Variants in KNTC1 observed in about 807,000 individuals in gnomAD.
KNTC1 encodes kinetochore associated 1, also known as kinetochore-associated protein 1.
Under a neutral mutation model 314.4 loss-of-function variants are expected in KNTC1, and 253 were observed. The observed-to-expected ratio is 0.80, with a 90% CI of 0.73 to 0.89. The LOEUF (loss-of-function observed/expected upper bound fraction) is 0.89, where lower values mean the gene tolerates loss of function less well. Among genes scored for constraint, KNTC1 ranks in the 40% least tolerant of loss-of-function variants. The probability of loss-of-function intolerance (pLI) is 0.00; values close to 1 mark genes in which losing one functional copy is unlikely to be tolerated. For synonymous variants in KNTC1, 901 were observed against 901.4 expected, an observed-to-expected ratio of 1.00 and a Z score of 0.01; for missense variants, 2,475 against 2,572.9, an observed-to-expected ratio of 0.96 and a Z score of 0.82.
In KNTC1 at chr12:122,561,921, C is replaced by T. The variant is rs1964001837; in HGVS notation, c.1489C>T (p.Leu497Phe). 3 of 1,570,250 alleles carry T rather than the reference C, an allele frequency of 1.9e-6. No homozygotes were observed. Among genetic ancestry groups the T allele is most frequent in the Non-Finnish European group, 2.6e-6 (3 of 1,144,544 alleles). ...TGTATTTCTTATTATTCTTACTTAG[C>T]TTTTGAAGAAAGAAGATAAAACTGC... is the stretch of plus-strand genomic sequence containing the variant. ...QEMLNYAKTR[L>F]LKKEDKTALI... The change falls in exon 19 of 64, where the codon CTT becomes TTT. Residue 497 changes from leucine to phenylalanine, a missense_variant and splice_region_variant. Physicochemically the swap from Leu to Phe is conservative, Grantham distance 22. Coordinates refer to ENST00000333479, the MANE Select transcript of KNTC1 (RefSeq NM_014708.6).
In KNTC1 at chr12:122,557,419, G is replaced by A. The variant is rs368644087; in HGVS notation, c.1308G>A (p.Glu436=). ...VYKVKSNHIL[E]KLALSSVDAS... Reference sequence around the variant, plus strand: ...AGGTCAAGTCAAATCATATATTGGAGAAACTGGCATTGAGTTCTGTGGATG... The same window carrying A: ...AGGTCAAGTCAAATCATATATTGGAAAAACTGGCATTGAGTTCTGTGGATG... Residue 436 remains glutamate (E), a synonymous_variant, in exon 17 of 64, where the codon GAG becomes GAA. Transcript: ENST00000333479. The A allele has an allele frequency of 3.1e-6, 5 of 1,613,504 alleles. No individual in the cohort carries two copies. In the African/African-American group the frequency reaches 6.7e-5, roughly 22 times the overall value.
chr12:122,536,912 C>T (rs895102393), intron 3 of KNTC1, among the ~76,000 whole-genome samples: 2 of 152,208 alleles, frequency 1.3e-5, no homozygotes, highest in Non-Finnish European at 2.9e-5. Flanking sequence ...CATTTTGGAA[C>T]ATATCTTGAT....
chr12:122,567,593 C>A (rs938622615), intron 20 of KNTC1, among the ~76,000 whole-genome samples: 1 of 151,950 alleles, frequency 6.6e-6, no homozygotes, highest in African/African-American at 2.4e-5. Flanking sequence ...AATCGCAACA[C>A]TTTGGGAGGC....
chr12:122,529,965 C>A, intron 1 of KNTC1, 26 bp from the exon 2 acceptor site: 1 of 1,302,952 alleles, frequency 7.7e-7, no homozygotes. Flanking sequence ...TATCATTTCC[C>A]AAGGAACCAG....
intron 16 of KNTC1, 36 bp from the exon 17 acceptor site, chr12:122,557,348 C>T: frequency 1.3e-6 from 2 of 1,591,200 alleles, no homozygotes; most frequent in Non-Finnish European, 1.7e-6. Context: ...TATTATTGTA[C>T]TTCAAATTGC....
At chr12:122,562,439 TTGTGTGTGTGTGTGTGTGTG>T (rs4039211) in intron 19 of KNTC1, among the ~76,000 whole-genome samples, 179 bp from the exon 20 acceptor site, 6 of 145,084 alleles carry the variant, frequency 4.1e-5, no homozygotes, top group Admixed American at 3.5e-4. Context: ...ATCCCATGTT[TTGTGTGTGTGTGTGTGTGTG>T]TGTGTGTGTG....
intron 16 of KNTC1, among the ~76,000 whole-genome samples, chr12:122,554,076 AATATATAT>A (rs60404988): frequency 2.8e-5 from 3 of 109,050 alleles, no homozygotes; most frequent in African/African-American, 7.8e-5. Flanking sequence ...AAAAAAAAAA[AATATATAT>A]ATATATATAT....
In KNTC1 at chr12:122,575,906, A is replaced by G. The variant is rs1434615810; in HGVS notation, c.2586+7A>G. 1.9e-6 allele frequency: 3 copies of G among 1,597,602 alleles called. No homozygotes were observed. Among genetic ancestry groups the G allele is most frequent in the Non-Finnish European group, 2.6e-6 (3 of 1,175,472 alleles). Reference sequence around the variant, plus strand: ...CTTAAACAAGGAAATAATGGTAAGTACACTCTTCGAAGAGTCTTTTTTCTC... The same window carrying G: ...CTTAAACAAGGAAATAATGGTAAGTGCACTCTTCGAAGAGTCTTTTTTCTC... On this transcript the variant is annotated splice_region_variant and intron_variant, in intron 29 of 63. Coordinates refer to ENST00000333479, the MANE Select transcript of KNTC1 (RefSeq NM_014708.6).
chr12:122,617,331 C>T (rs938414928), intron 57 of KNTC1: 3 of 400,604 alleles, frequency 7.5e-6, no homozygotes, highest in African/African-American at 2.1e-5. Flanking sequence ...GTAAAATATA[C>T]CTGAAGTTAC....
intron 56 of KNTC1, 40 bp downstream of exon 56, chr12:122,615,126 A>G: frequency 7.1e-7 from 1 of 1,416,926 alleles, no homozygotes; most frequent in Non-Finnish European, 9.8e-7. Flanking sequence ...TATATTTGAA[A>G]GCTTTTGCAC....
intron 63 of KNTC1, among the ~76,000 whole-genome samples, chr12:122,625,903 C>T (rs559157278): frequency 8.5e-5 from 13 of 152,172 alleles, no homozygotes; most frequent in Admixed American, 1.3e-4. Context: ...TTCCTTTGGT[C>T]CAGATCAGGC....
intron 18 of KNTC1, among the ~76,000 whole-genome samples, chr12:122,559,945 C>T (rs1486285958): frequency 6.6e-6 from 1 of 152,114 alleles, no homozygotes. Flanking sequence ...GTCCATCTCC[C>T]CAACTCTTTT....
chr12:122,586,347 G>T (rs1349536597), intron 37 of KNTC1, among the ~76,000 whole-genome samples: 1 of 152,178 alleles, frequency 6.6e-6, no homozygotes, highest in Non-Finnish European at 1.5e-5. Flanking sequence ...CTTCCAAAGT[G>T]CAGGGATTAC....
At chr12:122,545,382 C>T (rs901485168) in intron 8 of KNTC1, among the ~76,000 whole-genome samples, 24 of 151,782 alleles carry the variant, frequency 1.6e-4, no homozygotes, top group African/African-American at 5.1e-4. Context: ...CACTTCACTG[C>T]GGCCTGGCAA....
chr12:122,535,810 G>A (rs188918115), intron 3 of KNTC1, among the ~76,000 whole-genome samples: 1 of 151,504 alleles, frequency 6.6e-6, no homozygotes, highest in South Asian at 2.1e-4. Context: ...AGTGACAGTC[G>A]TGTCTCAAAA....
At position 122,616,689 on chromosome 12, in the gene KNTC1, G is replaced by A. The variant is rs1054161671; in HGVS notation, c.6030+1163G>A. Among the ~76,000 whole-genome samples the A allele has an allele frequency of 9.9e-5, 15 of 152,148 alleles. No homozygotes were observed. In the East Asian group the frequency reaches 2.1e-3, roughly 21 times the overall value. On this transcript the variant is annotated intron_variant, in intron 57 of 63. Coordinates refer to ENST00000333479, the MANE Select transcript of KNTC1 (RefSeq NM_014708.6). ...TGTTTTCACATAACAGTGGTCTCTGGAGATTGTTCCATATCAGCACATGTA... is the reference window on the plus strand; with the variant it reads ...TGTTTTCACATAACAGTGGTCTCTGAAGATTGTTCCATATCAGCACATGTA...
intron 42 of KNTC1, chr12:122,592,887 A>G (rs1870478808): frequency 6.6e-6 from 1 of 151,952 alleles, no homozygotes; most frequent in South Asian, 2.1e-4. Flanking sequence ...GCTACTGCTC[A>G]CTCTTTGGGT....
intron 51 of KNTC1, among the ~76,000 whole-genome samples, chr12:122,608,152 C>T (rs1354053125): frequency 1.3e-5 from 2 of 152,164 alleles, no homozygotes; most frequent in Non-Finnish European, 1.5e-5. Flanking sequence ...CATTCAGCCA[C>T]CCAGGCTAGA....
At chr12:122,608,957 G>A (rs935776797) in intron 51 of KNTC1, among the ~76,000 whole-genome samples, 1 of 152,128 alleles carries the variant, frequency 6.6e-6, no homozygotes, top group Non-Finnish European at 1.5e-5. Context: ...TACTTAGGAG[G>A]CTGAGGCAAG....
Sources: gnomAD v4.1 joint callset for allele counts (sites outside exome capture counted in the v4.1 genomes callset) on GRCh38, gnomAD v4.1.1 for gene constraint, MANE v1.5 for transcripts, NCBI Gene and HGNC (gene_info 2026-07-23, HGNC 2026-07-21) for gene names.